The following GTF2H2 variants were observed in gnomAD, a reference collection of about 807,000 sequenced individuals.
GTF2H2 encodes general transcription factor IIH subunit 2.
In GTF2H2, 2 loss-of-function variants were observed where a neutral mutation model predicts 16.5. The ratio of observed to expected loss-of-function variants is 0.12; its 90% CI spans 0.05 to 0.38. GTF2H2 has a LOEUF of 0.38. GTF2H2 is among the 10% of genes least tolerant of loss of function. GTF2H2 has a pLI of 0.99. For missense variants in GTF2H2, 20 were observed against 137.0 expected (o/e 0.15, Z 4.26); for synonymous variants, 8 against 44.1 (o/e 0.18, Z 3.24).
rs532639599 is a variant in GTF2H2 at position 71,054,223 on chromosome 5, T to C, written c.470+1129A>G. Among the ~76,000 whole-genome samples, 30 of 146,018 alleles carry C rather than the reference T, an allele frequency of 2.1e-4. 6 individuals carry two copies. The highest frequency in any genetic ancestry group is 7.3e-4 in the African/African-American group (28 of 38,122). ...GTGACCAGTTTTCACCTACACTAAA[T>C]AGACCTTTTTATGCTTTCTGCAGCA... On this transcript the variant is annotated intron_variant, in intron 8 of 15. Transcript: ENST00000274400.
chr5:71,061,420 G>C, intron 3 of GTF2H2, 112 bp from the exon 4 acceptor site: 1 of 908,414 alleles, frequency 1.1e-6, no homozygotes, highest in Non-Finnish European at 1.7e-6. Context: ...CTAATTCTGA[G>C]TAAGAATGTC....
At chr5:71,055,421 G>A in exon 8 of GTF2H2, 2 of 1,572,158 alleles carry the variant, frequency 1.3e-6, no homozygotes, top group Non-Finnish European at 1.7e-6. Context: ...CATATCCACA[G>A]CTTTCTTCAA....
chr5:71,052,887 T>A (rs940048523), intron 8 of GTF2H2, among the ~76,000 whole-genome samples: 3 of 82,950 alleles, frequency 3.6e-5, no homozygotes, highest in Non-Finnish European at 6.9e-5. Flanking sequence ...AGGGACTACA[T>A]ACAGGTGCTC....
rs935556528 is a variant in GTF2H2 at position 71,054,830 on chromosome 5, A to G, written c.470+522T>C. ...ATATAAGCTTTATATATATATGTATAATAAATTATATATATAATATGTATA... is the reference window on the plus strand; with the variant it reads ...ATATAAGCTTTATATATATATGTATGATAAATTATATATATAATATGTATA... On this transcript the variant is annotated intron_variant, in intron 8 of 15. Coordinates refer to ENST00000274400, the Ensembl canonical transcript of GTF2H2. 2.9e-5 allele frequency among the ~76,000 whole-genome samples: 4 copies of G among 136,828 alleles called. 1 individual carries two copies. The allele number at this position is 136,828 out of a possible 152,430, so 89.8% of individuals were successfully genotyped here. A position where few individuals can be genotyped will look rare whatever the true frequency, so the allele number is the denominator to read the frequency against.
chr5:71,061,383 A>G (rs1753618613), intron 3 of GTF2H2, 75 bp from the exon 4 acceptor site: 3 of 1,254,136 alleles, frequency 2.4e-6, no homozygotes, highest in East Asian at 2.4e-5. Flanking sequence ...CAACTTTCCA[A>G]TTGACCTCCT....
chr5:71,052,915 A>ATTTTTTTTTT (rs1241503525), intron 8 of GTF2H2, among the ~76,000 whole-genome samples: 4 of 44,052 alleles, frequency 9.1e-5, no homozygotes, highest in Admixed American at 3.5e-4. Flanking sequence ...TGCCTGGCTA[A>ATTTTTTTTTT]TTTTTTTTTT....
intron 14 of GTF2H2, among the ~76,000 whole-genome samples, chr5:71,039,590 C>A (rs534918863): frequency 2.7e-5 from 4 of 148,272 alleles, no homozygotes; most frequent in Admixed American, 2.0e-4. Context: ...TCATATTGGA[C>A]CTTCTGGATA....
chr5:71,054,459 C>T (rs1296877973), intron 8 of GTF2H2, among the ~76,000 whole-genome samples: 1 of 145,226 alleles, frequency 6.9e-6, no homozygotes, highest in Non-Finnish European at 1.5e-5. Context: ...TTTAGGGAGG[C>T]TGAGGTGGGC....
In GTF2H2 at chr5:71,045,441, T is replaced by TA; in HGVS notation, c.821+2dup. Reference sequence around the variant, plus strand: ...CACTGATATTTTCAAGGTCTTTACTTACGCCATGCTGAAAGAGGGTTTTGC... The same window carrying TA: ...CACTGATATTTTCAAGGTCTTTACTTAACGCCATGCTGAAAGAGGGTTTTGC... On this transcript the variant is annotated splice_region_variant and intron_variant, in intron 12 of 15. Coordinates refer to ENST00000274400, the Ensembl canonical transcript of GTF2H2. The TA allele has an allele frequency of 1.0e-6, 1 of 964,632 alleles. No homozygotes were observed. Among genetic ancestry groups the TA allele is most frequent in the South Asian group, 1.3e-5 (1 of 74,996 alleles). The allele number at this position is 964,632 out of a possible 1,614,324, so 59.8% of individuals were successfully genotyped here. A position where few individuals can be genotyped will look rare whatever the true frequency, so the allele number is the denominator to read the frequency against.
At position 71,058,400 on chromosome 5, in the gene GTF2H2, C is replaced by A. The variant is rs1753432741; in HGVS notation, c.364+1290G>T. On this transcript the variant is annotated intron_variant, in intron 7 of 15. Transcript: ENST00000274400. ...TCAGCAGGCAATCGAAGCGTACAAA[C>A]AAAATACTTCATTTCCTGGCCACTT... 2.3e-5 allele frequency: 3 copies of A among 132,266 alleles called. 1 individual carries two copies. The highest frequency in any genetic ancestry group is 8.7e-5 in the African/African-American group (3 of 34,316). The allele number at this position is 132,266 out of a possible 1,614,324, so 8.2% of individuals were successfully genotyped here.
In GTF2H2 at chr5:71,038,093, G is replaced by A. The variant is rs1303221933; in HGVS notation, c.1029-547C>T. Among the ~76,000 whole-genome samples, 15 of 79,668 alleles carry A rather than the reference G, an allele frequency of 1.9e-4. 6 individuals are homozygous for A. Among genetic ancestry groups the A allele is most frequent in the Admixed American group, 1.7e-3 (12 of 6,880 alleles). The allele number at this position is 79,668 out of a possible 152,430, so 52.3% of individuals were successfully genotyped here. ...TTATTTTCATTAAGGTTAACTGTGA[G>A]CATGCTTTATTTTTCTTTGTTTTCG... is the stretch of plus-strand genomic sequence containing the variant. On this transcript the variant is annotated intron_variant, in intron 14 of 15. Coordinates refer to ENST00000274400, the Ensembl canonical transcript of GTF2H2.
Position 71,054,751 on chromosome 5 carries a change from G to GTA in GTF2H2, c.470+599_470+600dup, listed in dbSNP as rs765886196. ...TGTGTGTGTGTGTGTGTGTGTGTGT[G>GTA]TATATATATAATAGATATATAAGCT... is the stretch of plus-strand genomic sequence containing the variant. On this transcript the variant is annotated intron_variant, in intron 8 of 15. Transcript: ENST00000274400. Among the ~76,000 whole-genome samples the GTA allele has an allele frequency of 1.2e-4, 15 of 126,982 alleles. 1 individual carries two copies. The highest frequency in any genetic ancestry group is 1.8e-4 in the Non-Finnish European group (11 of 61,564). The allele number at this position is 126,982 out of a possible 152,430, so 83.3% of individuals were successfully genotyped here. A position where few individuals can be genotyped will look rare whatever the true frequency, so the allele number is the denominator to read the frequency against.
rs1261641099 is a variant in GTF2H2 at position 71,035,475 on chromosome 5, TTGAA to T, written c.*198_*201del. 4 of 13,272 alleles carry T rather than the reference TTGAA, an allele frequency of 3.0e-4. 1 individual carries two copies. The highest frequency in any genetic ancestry group is 1.0e-3 in the African/African-American group (4 of 3,996). 0.8% of individuals were successfully genotyped at this position (13,272 alleles called of 1,614,324 possible). A position where few individuals can be genotyped will look rare whatever the true frequency, so the allele number is the denominator to read the frequency against. On this transcript the variant is annotated 3_prime_UTR_variant, in exon 16 of 16. Transcript: ENST00000274400. ...TCAAAATAATAGAAAACAAAATTAA[TTGAA>T]TGAAGTACTACTGAATTTCAGGTAT...
intron 15 of GTF2H2, among the ~76,000 whole-genome samples, chr5:71,036,239 A>G (rs1751739075): frequency 1.3e-5 from 1 of 79,354 alleles, no homozygotes; most frequent in Admixed American, 1.5e-4. Context: ...ACCTTTAAAA[A>G]AATATGTCAA....
chr5:71,061,296 G>T, exon 4 of GTF2H2: 1 of 1,508,000 alleles, frequency 6.6e-7, no homozygotes, highest in Admixed American at 1.9e-5. Context: ...CTTGTCCATG[G>T]TGCTCAAATA....
Position 71,054,712 on chromosome 5 carries a change from CGTGTGTGT to C in GTF2H2, c.470+632_470+639del, listed in dbSNP as rs750011504. On this transcript the variant is annotated intron_variant, in intron 8 of 15. Coordinates refer to ENST00000274400, the Ensembl canonical transcript of GTF2H2. ...TGTCTCGAAAAAAAATATATATATACGTGTGTGTGTGTGTGTGTGTGTGTGTGTGTGTG... is the reference window on the plus strand; with the variant it reads ...TGTCTCGAAAAAAAATATATATATACGTGTGTGTGTGTGTGTGTGTGTGTG... 1.4e-3 allele frequency among the ~76,000 whole-genome samples: 143 copies of C among 105,288 alleles called. 10 individuals are homozygous for C. The highest frequency in any genetic ancestry group is 5.4e-3 in the African/African-American group (137 of 25,584). The allele number at this position is 105,288 out of a possible 152,430, so 69.1% of individuals were successfully genotyped here. A position where few individuals can be genotyped will look rare whatever the true frequency, so the allele number is the denominator to read the frequency against.
At chr5:71,053,652 AAAAGTGCAACAAAATGAG>A (rs1425510116) in intron 8 of GTF2H2, among the ~76,000 whole-genome samples, 1 of 125,528 alleles carries the variant, frequency 8.0e-6, no homozygotes. Context: ...AAAGTGCAAT[AAAAGTGCAACAAAATGAG>A]GTGTGCCTTA....
intron 8 of GTF2H2, among the ~76,000 whole-genome samples, chr5:71,053,383 T>C (rs1253636584): frequency 2.1e-5 from 3 of 141,002 alleles, no homozygotes; most frequent in East Asian, 3.9e-4. Context: ...GTAACACTTA[T>C]CAATTAAGTC....
chr5:71,050,867 G>T (rs1752653047), intron 8 of GTF2H2, among the ~76,000 whole-genome samples: 2 of 81,814 alleles, frequency 2.4e-5, no homozygotes. Flanking sequence ...TTTGTTTTGA[G>T]ACTGATTCTT....
Sources: allele counts gnomAD v4.1 joint callset (sites outside exome capture counted in the v4.1 genomes callset), GRCh38; gene constraint gnomAD v4.1.1; transcripts MANE v1.5; gene names NCBI Gene and HGNC (gene_info 2026-07-23, HGNC 2026-07-21).